Variants in INPP4B observed in about 807,000 individuals in gnomAD.
INPP4B encodes the protein inositol polyphosphate-4-phosphatase type II B.
In INPP4B, 55 loss-of-function variants were observed where a neutral mutation model predicts 122.5. That is an observed-to-expected ratio of 0.45 (90% CI 0.36 to 0.56). The LOEUF (loss-of-function observed/expected upper bound fraction) is 0.56, where lower values mean the gene tolerates loss of function less well. Ranked by LOEUF, INPP4B falls within the 20% of genes least tolerant of loss-of-function variation. The pLI, the probability that INPP4B is intolerant of heterozygous loss-of-function variation, is 0.00. For synonymous variants in INPP4B, 403 were observed against 388.7 expected (o/e 1.04, Z -0.43); for missense variants, 1,000 against 1,097.7 (o/e 0.91, Z 1.26).
intron 3 of INPP4B, among the ~76,000 whole-genome samples, chr4:142,460,875 T>C (rs2149586493): frequency 6.6e-6 from 1 of 152,232 alleles, no homozygotes; most frequent in Non-Finnish European, 1.5e-5. Flanking sequence ...AATCTCCACA[T>C]TTTATATCAA....
chr4:142,680,359 T>C (rs902442809), intron 2 of INPP4B, among the ~76,000 whole-genome samples: 11 of 151,996 alleles, frequency 7.2e-5, no homozygotes, highest in African/African-American at 2.6e-4. Context: ...TTACCTATCA[T>C]ATCCCTCAAG....
intron 2 of INPP4B, among the ~76,000 whole-genome samples, chr4:142,683,121 C>T (rs1244388202): frequency 6.6e-6 from 1 of 151,798 alleles, no homozygotes; most frequent in African/African-American, 2.4e-5. Context: ...TCCTTTAAAA[C>T]AGTACATGCA....
chr4:142,752,987 T>A (rs1240640220), intron 1 of INPP4B, among the ~76,000 whole-genome samples: 13 of 152,110 alleles, frequency 8.5e-5, no homozygotes, highest in Non-Finnish European at 1.6e-4. Context: ...CAGAAGAGTA[T>A]AAATAATTTC....
At chr4:142,711,160 T>G (rs1763067704) in intron 2 of INPP4B, among the ~76,000 whole-genome samples, 1 of 152,210 alleles carries the variant, frequency 6.6e-6, no homozygotes, top group Non-Finnish European at 1.5e-5. Flanking sequence ...TCAAAGGTTT[T>G]GATTCCTTTT....
At chr4:142,098,030 T>C (rs1377323355) in intron 23 of INPP4B, among the ~76,000 whole-genome samples, 1 of 151,950 alleles carries the variant, frequency 6.6e-6, no homozygotes, top group African/African-American at 2.4e-5. Flanking sequence ...GAGAGAAGGG[T>C]TCCAGCGGGC....
intron 5 of INPP4B, among the ~76,000 whole-genome samples, chr4:142,428,374 A>C (rs1808565810): frequency 6.6e-6 from 1 of 151,340 alleles, no homozygotes; most frequent in African/African-American, 2.4e-5. Flanking sequence ...TAGTCTGTAA[A>C]ACTTAGTTTA....
Position 142,446,760 on chromosome 4 carries a change from C to CAG in INPP4B, c.-126-15377_-126-15376dup, listed in dbSNP as rs1287181678. Among the ~76,000 whole-genome samples the CAG allele has an allele frequency of 7.2e-5, 11 of 152,146 alleles. No homozygotes were observed. In the East Asian group the frequency reaches 1.4e-3, roughly 19 times the overall value. ...GAGGAGTGAGTGGCAGGAAGGCAGA[C>CAG]AGAGAGAGAGACGATGGCACTTACA... On this transcript the variant is annotated intron_variant, in intron 3 of 25. Coordinates refer to ENST00000262992, the MANE Select transcript of INPP4B (RefSeq NM_001101669.3).
intron 2 of INPP4B, among the ~76,000 whole-genome samples, chr4:142,649,553 A>C (rs1752501652): frequency 6.6e-6 from 1 of 152,208 alleles, no homozygotes; most frequent in South Asian, 2.1e-4. Context: ...ATGGCACAAG[A>C]ACTTCGTGAT....
chr4:142,757,390 G>A (rs1341282617), intron 1 of INPP4B, among the ~76,000 whole-genome samples: 2 of 151,986 alleles, frequency 1.3e-5, no homozygotes, highest in Non-Finnish European at 2.9e-5. Context: ...TTGCAATATT[G>A]TACAGAATAG....
At chr4:142,836,746 A>ACACACACACACACAC (rs1561124907) in intron 1 of INPP4B, among the ~76,000 whole-genome samples, 3 of 151,860 alleles carry the variant, frequency 2.0e-5, no homozygotes, top group Admixed American at 6.6e-5. Flanking sequence ...ACACACACAC[A>ACACACACACACACAC]AGAAATACGA....
intron 3 of INPP4B, among the ~76,000 whole-genome samples, chr4:142,455,216 C>T (rs761694888): frequency 4.6e-5 from 7 of 152,014 alleles, no homozygotes; most frequent in Non-Finnish European, 1.0e-4. Context: ...AAGTTATTAT[C>T]GACCATAGTC....
At chr4:142,515,007 G>A (rs1373442330) in intron 2 of INPP4B, among the ~76,000 whole-genome samples, 1 of 151,870 alleles carries the variant, frequency 6.6e-6, no homozygotes. Flanking sequence ...CGTTGGCCAG[G>A]CTGGTCTTAA....
chr4:142,775,488 C>T (rs1773721643), intron 1 of INPP4B, among the ~76,000 whole-genome samples: 1 of 146,396 alleles, frequency 6.8e-6, no homozygotes, highest in East Asian at 2.0e-4. Context: ...ATATTTTGTT[C>T]CCTTCCCTTC....
At chr4:142,514,003 A>T (rs1176642848) in intron 2 of INPP4B, among the ~76,000 whole-genome samples, 1 of 152,174 alleles carries the variant, frequency 6.6e-6, no homozygotes, top group African/African-American at 2.4e-5. Context: ...ACATCTTGAG[A>T]GGGGCTGGCT....
At chr4:142,797,232 A>G (rs1777375423) in intron 1 of INPP4B, among the ~76,000 whole-genome samples, 4 of 152,118 alleles carry the variant, frequency 2.6e-5, no homozygotes, top group South Asian at 4.2e-4. Context: ...AAACATGTCT[A>G]ATGTCACACA....
At chr4:142,387,497 A>G (rs1488126704) in intron 7 of INPP4B, among the ~76,000 whole-genome samples, 1 of 148,816 alleles carries the variant, frequency 6.7e-6, no homozygotes, top group Non-Finnish European at 1.5e-5. Flanking sequence ...AAAAAAAAGA[A>G]AGAAAAAAAG....
chr4:142,785,384 TA>T (rs911334636), intron 1 of INPP4B, among the ~76,000 whole-genome samples: 48 of 151,854 alleles, frequency 3.2e-4, no homozygotes, highest in Admixed American at 1.2e-3. Flanking sequence ...AATTATCAGA[TA>T]AAAAAATTAA....
At chr4:142,193,756 G>C (rs1837005386) in intron 14 of INPP4B, among the ~76,000 whole-genome samples, 1 of 152,122 alleles carries the variant, frequency 6.6e-6, no homozygotes, top group Non-Finnish European at 1.5e-5. Flanking sequence ...AGGTGACATA[G>C]AAAGAATACA....
At chr4:142,595,862 T>C (rs940992963) in intron 2 of INPP4B, among the ~76,000 whole-genome samples, 3 of 152,082 alleles carry the variant, frequency 2.0e-5, no homozygotes, top group Admixed American at 6.6e-5. Context: ...TATTTATTTA[T>C]TTATTTTTAT....
Sources: allele counts gnomAD v4.1 joint callset (sites outside exome capture counted in the v4.1 genomes callset), GRCh38; gene constraint gnomAD v4.1.1; transcripts MANE v1.5; gene names NCBI Gene and HGNC (gene_info 2026-07-23, HGNC 2026-07-21).